HIBADH: variants seen among roughly 807,000 people sequenced by gnomAD.
HIBADH encodes 3-hydroxyisobutyrate dehydrogenase, mitochondrial.
A neutral mutation model predicts 36.1 loss-of-function variants in HIBADH; 25 were observed. The observed-to-expected ratio is 0.69, with a 90% CI of 0.50 to 0.97. HIBADH has a LOEUF of 0.97. HIBADH is among the 50% of genes least tolerant of loss of function. The pLI is 0.00. For synonymous variants in HIBADH, 160 were observed against 149.5 expected (o/e 1.07, Z -0.51); for missense variants, 421 against 418.0 (o/e 1.01, Z -0.06).
chr7:27,646,673 C>T (rs934231461), intron 2 of HIBADH, among the ~76,000 whole-genome samples: 6 of 149,110 alleles, frequency 4.0e-5, no homozygotes, highest in Non-Finnish European at 8.9e-5. Context: ...TACAGGCACA[C>T]ACAACCACGC....
intron 1 of HIBADH, among the ~76,000 whole-genome samples, chr7:27,658,143 T>C (rs898085763): frequency 6.6e-6 from 1 of 152,106 alleles, no homozygotes; most frequent in Non-Finnish European, 1.5e-5. Flanking sequence ...GCTTGGCAAA[T>C]ATAAAATAAT....
At chr7:27,539,804 C>T (rs896005054) in intron 5 of HIBADH, among the ~76,000 whole-genome samples, 2 of 151,972 alleles carry the variant, frequency 1.3e-5, no homozygotes, top group Non-Finnish European at 2.9e-5. Context: ...TTGATTAACA[C>T]ATATTTTGTA....
chr7:27,611,767 G>A (rs962565917), intron 4 of HIBADH, among the ~76,000 whole-genome samples: 1 of 152,162 alleles, frequency 6.6e-6, no homozygotes, highest in South Asian at 2.1e-4. Context: ...CAAACTCTGA[G>A]TGAAACAACT....
chr7:27,593,014 T>C (rs1784969489), intron 4 of HIBADH, among the ~76,000 whole-genome samples: 1 of 152,184 alleles, frequency 6.6e-6, no homozygotes, highest in East Asian at 1.9e-4. Context: ...TCAATGGTAC[T>C]TTTTCCAACA....
At chr7:27,599,001 T>C (rs1785078097) in intron 4 of HIBADH, among the ~76,000 whole-genome samples, 1 of 144,108 alleles carries the variant, frequency 6.9e-6, no homozygotes. Context: ...ATAAAGTGAG[T>C]ACAATTCAAA....
At chr7:27,543,418 A>G (rs1784188327) in intron 4 of HIBADH, among the ~76,000 whole-genome samples, 1 of 152,154 alleles carries the variant, frequency 6.6e-6, no homozygotes, top group African/African-American at 2.4e-5. Flanking sequence ...TGCATCTATT[A>G]TTCTCCTAAG....
intron 4 of HIBADH, among the ~76,000 whole-genome samples, chr7:27,622,023 G>A (rs1398949914): frequency 6.6e-6 from 1 of 152,120 alleles, no homozygotes; most frequent in Non-Finnish European, 1.5e-5. Context: ...GGGAGGCCAA[G>A]GTAGGAGGAT....
At chr7:27,529,741 C>T (rs538724515) in intron 7 of HIBADH, among the ~76,000 whole-genome samples, 44 of 152,188 alleles carry the variant, frequency 2.9e-4, no homozygotes, top group Non-Finnish European at 5.7e-4. Context: ...GGATTGCCTC[C>T]GTTTTTGAAA....
At chr7:27,606,712 T>A (rs938005130) in intron 4 of HIBADH, among the ~76,000 whole-genome samples, 5 of 152,220 alleles carry the variant, frequency 3.3e-5, no homozygotes, top group African/African-American at 1.2e-4. Flanking sequence ...TAATAGCTCC[T>A]CTTACTCTGC....
rs745314254 is a variant in HIBADH at position 27,629,500 on chromosome 7, A to C, written c.363-8T>G. ...GAGCCCTTCTTCACTTTTCTAAGTA[A>C]ATAAATAAAAATATTTGTAGTTTAC... On this transcript the variant is annotated splice_region_variant and splice_polypyrimidine_tract_variant and intron_variant, in intron 3 of 7. Coordinates refer to ENST00000265395, the MANE Select transcript of HIBADH (RefSeq NM_152740.4). 2 of 1,537,318 alleles carry C rather than the reference A, an allele frequency of 1.3e-6. No homozygotes were observed. The highest frequency in any genetic ancestry group is 1.3e-5 in the South Asian group (1 of 77,730).
At chr7:27,615,319 G>A (rs1009283877) in intron 4 of HIBADH, among the ~76,000 whole-genome samples, 1 of 152,160 alleles carries the variant, frequency 6.6e-6, no homozygotes, top group African/African-American at 2.4e-5. Context: ...TAGTCCTAGA[G>A]TTGCTAACAA....
At position 27,649,770 on chromosome 7, in the gene HIBADH, C is replaced by T. The variant is rs1431131432; in HGVS notation, c.92-137G>A. The T allele has an allele frequency of 1.0e-5, 7 of 678,134 alleles. No individual in the cohort carries two copies. The East Asian group carries it at 1.8e-4, about 17-fold the overall frequency. The allele number at this position is 678,134 out of a possible 1,614,324, so 42.0% of individuals were successfully genotyped here. ...TTCAGGAACCAGGTGCAGTGGTGCA[C>T]ACCTATAATCCCAGCTACTTGGGAG... On this transcript the variant is annotated intron_variant, in intron 1 of 7. Coordinates refer to ENST00000265395, the MANE Select transcript of HIBADH (RefSeq NM_152740.4).
chr7:27,637,897 A>T (rs1270420969), intron 2 of HIBADH, among the ~76,000 whole-genome samples: 1 of 152,202 alleles, frequency 6.6e-6, no homozygotes, highest in African/African-American at 2.4e-5. Context: ...AAAGATCTCT[A>T]TAACAAGAAT....
intron 1 of HIBADH, among the ~76,000 whole-genome samples, chr7:27,651,655 C>A (rs1009198812): frequency 6.6e-6 from 1 of 152,164 alleles, no homozygotes; most frequent in African/African-American, 2.4e-5. Context: ...CACTCTAGGT[C>A]AAACAATTCA....
intron 1 of HIBADH, among the ~76,000 whole-genome samples, chr7:27,654,365 A>G (rs760430115): frequency 1.7e-4 from 26 of 152,180 alleles, no homozygotes; most frequent in Non-Finnish European, 3.8e-4. Flanking sequence ...GAAAACTACA[A>G]ACCCCATGCA....
chr7:27,630,439 C>A (rs943304973), intron 3 of HIBADH, among the ~76,000 whole-genome samples: 2 of 151,964 alleles, frequency 1.3e-5, no homozygotes, highest in Non-Finnish European at 2.9e-5. Flanking sequence ...CTGTGCCTGG[C>A]CAAACTTTCC....
chr7:27,660,271 TGCAG>T (rs1209527218), intron 1 of HIBADH, among the ~76,000 whole-genome samples: 4 of 152,232 alleles, frequency 2.6e-5, no homozygotes, highest in Non-Finnish European at 5.9e-5. Flanking sequence ...ACTCCAAACT[TGCAG>T]GCAGATTTTT....
chr7:27,637,995 T>A (rs755044879), intron 2 of HIBADH, among the ~76,000 whole-genome samples: 17 of 152,118 alleles, frequency 1.1e-4, no homozygotes, highest in Non-Finnish European at 1.6e-4. Context: ...AATGGCCATA[T>A]TGCCCAAAGC....
intron 4 of HIBADH, among the ~76,000 whole-genome samples, chr7:27,608,686 T>C (rs542896047): frequency 2.0e-4 from 31 of 152,294 alleles, no homozygotes; most frequent in African/African-American, 7.2e-4. Flanking sequence ...TAGTTTCACA[T>C]TGCTTAGAAA....
Sources: allele counts gnomAD v4.1 joint callset (sites outside exome capture counted in the v4.1 genomes callset), GRCh38; gene constraint gnomAD v4.1.1; transcripts MANE v1.5; gene names NCBI Gene and HGNC (gene_info 2026-07-23, HGNC 2026-07-21).